Variants in PARD3B observed in about 807,000 individuals in gnomAD.
PARD3B encodes the protein partitioning defective 3 homolog B.
In PARD3B, 103 loss-of-function variants were observed where a neutral mutation model predicts 130.2. That is an observed-to-expected ratio of 0.79 (90% CI 0.67 to 0.93). The LOEUF is 0.93. Among genes scored for constraint, PARD3B ranks in the 40% least tolerant of loss-of-function variants. PARD3B has a pLI of 0.00. For missense variants in PARD3B, 1,609 were observed against 1,499.2 expected, an observed-to-expected ratio of 1.07 and a Z score of -1.21; for synonymous variants, 583 against 553.2, an observed-to-expected ratio of 1.05 and a Z score of -0.76.
In PARD3B at chr2:205,010,153, G is replaced by C. The variant is rs192516363; in HGVS notation, c.395-37428G>C. 5.4e-3 allele frequency among the ~76,000 whole-genome samples: 819 copies of C among 152,298 alleles called. 7 individuals are homozygous for C. The highest frequency in any genetic ancestry group is 0.019 in the African/African-American group (784 of 41,560). On this transcript the variant is annotated intron_variant, in intron 3 of 22. Transcript: ENST00000406610. ...TACTGAGAGAGAGAAGGAGTGGAGA[G>C]AGTCGGGGGAGATCAGTTCCTTCAT...
rs3048088 is a variant in PARD3B, at chr2:205,302,065, C to CTTTTTTTTT, written c.2630+379_2630+387dup. On this transcript the variant is annotated intron_variant, in intron 18 of 22. Transcript: ENST00000406610. Reference sequence around the variant, plus strand: ...CTATTCTTTTTTTCTTTTTTCTTTTCTTTTTTTTTTTTTTTTTTTTTTTGA... The same window carrying CTTTTTTTTT: ...CTATTCTTTTTTTCTTTTTTCTTTTCTTTTTTTTTTTTTTTTTTTTTTTTTTTTTTTTGA... 2.8e-3 allele frequency among the ~76,000 whole-genome samples: 219 copies of CTTTTTTTTT among 77,762 alleles called. 4 individuals carry two copies. Among genetic ancestry groups the CTTTTTTTTT allele is most frequent in the Middle Eastern group, 0.016 (1 of 64 alleles). 51.0% of individuals were successfully genotyped at this position (77,762 alleles called of 152,430 possible). A position where few individuals can be genotyped will look rare whatever the true frequency, so the allele number is the denominator to read the frequency against.
chr2:204,680,650 TA>T (rs1475946869), intron 1 of PARD3B, among the ~76,000 whole-genome samples: 1 of 152,058 alleles, frequency 6.6e-6, no homozygotes, highest in Non-Finnish European at 1.5e-5. Flanking sequence ...TTAAAGACCA[TA>T]ACTGACACAT....
At chr2:205,448,419 C>T (rs949291143) in intron 20 of PARD3B, among the ~76,000 whole-genome samples, 18 of 152,212 alleles carry the variant, frequency 1.2e-4, no homozygotes, top group Admixed American at 7.2e-4. Context: ...GTTTTTTTCA[C>T]TTAAGTTGCT....
chr2:205,388,587 A>ACCG (rs1221838940), intron 18 of PARD3B, among the ~76,000 whole-genome samples: 3 of 152,232 alleles, frequency 2.0e-5, no homozygotes, highest in African/African-American at 4.8e-5. Context: ...CCCTGTTAGA[A>ACCG]ATCAAGTTGT....
chr2:204,630,971 T>C (rs577293770), intron 1 of PARD3B, among the ~76,000 whole-genome samples: 53 of 152,294 alleles, frequency 3.5e-4, no homozygotes, highest in African/African-American at 1.2e-3. Context: ...AGTTTAGCTC[T>C]GATCTTGGTT....
chr2:205,017,589 C>G (rs1165971339), intron 3 of PARD3B, among the ~76,000 whole-genome samples: 2 of 152,168 alleles, frequency 1.3e-5, no homozygotes, highest in Admixed American at 6.6e-5. Flanking sequence ...GGATGGCTCT[C>G]TTTTGTATAA....
At chr2:204,603,252 C>T (rs2033585387) in intron 1 of PARD3B, among the ~76,000 whole-genome samples, 4 of 152,066 alleles carry the variant, frequency 2.6e-5, no homozygotes, top group Admixed American at 1.3e-4. Flanking sequence ...AGTCTGTCAA[C>T]CTCTTTGAGA....
chr2:204,745,779 TA>T (rs1343550016), intron 2 of PARD3B, among the ~76,000 whole-genome samples: 1 of 152,086 alleles, frequency 6.6e-6, no homozygotes, highest in African/African-American at 2.4e-5. Flanking sequence ...CTATTAATAG[TA>T]AATTCTGGAG....
At chr2:204,940,553 T>G (rs1456642078) in intron 2 of PARD3B, among the ~76,000 whole-genome samples, 1 of 151,930 alleles carries the variant, frequency 6.6e-6, no homozygotes, top group Non-Finnish European at 1.5e-5. Flanking sequence ...TACATGAATA[T>G]CATTACAAAA....
chr2:204,728,428 G>A (rs2039337399), intron 2 of PARD3B, among the ~76,000 whole-genome samples: 1 of 152,100 alleles, frequency 6.6e-6, no homozygotes, highest in Admixed American at 6.5e-5. Flanking sequence ...ATGTGTAATG[G>A]GCCAGCTGGG....
chr2:204,636,049 A>G (rs4673307), intron 1 of PARD3B, among the ~76,000 whole-genome samples: 96,498 of 151,804 alleles, frequency 0.64, 33,844 homozygotes, highest in Non-Finnish European at 0.78. Flanking sequence ...TGAGGTGAAT[A>G]CTCTTTGGCT....
chr2:204,615,892 A>G (rs2034094001), intron 1 of PARD3B, among the ~76,000 whole-genome samples: 1 of 152,192 alleles, frequency 6.6e-6, no homozygotes, highest in Non-Finnish European at 1.5e-5. Context: ...AAGACATGTA[A>G]TCAAAAGTTG....
chr2:205,450,570 T>C (rs921364326), intron 20 of PARD3B, among the ~76,000 whole-genome samples: 1 of 144,654 alleles, frequency 6.9e-6, no homozygotes, highest in African/African-American at 2.6e-5. Flanking sequence ...GCCTCCCAGG[T>C]TCAAGTAATT....
chr2:204,668,327 C>T (rs2036120618), intron 1 of PARD3B, among the ~76,000 whole-genome samples: 1 of 152,160 alleles, frequency 6.6e-6, no homozygotes, highest in African/African-American at 2.4e-5. Context: ...GTGTTTGGCT[C>T]ACTTTGAATT....
chr2:205,349,927 G>T (rs1038739505), intron 18 of PARD3B, among the ~76,000 whole-genome samples: 1 of 150,004 alleles, frequency 6.7e-6, no homozygotes, highest in African/African-American at 2.5e-5. Context: ...ATAACCTGTA[G>T]TGTAAACACA....
intron 19 of PARD3B, among the ~76,000 whole-genome samples, chr2:205,404,075 A>G (rs2046339945): frequency 6.6e-6 from 1 of 152,218 alleles, no homozygotes; most frequent in Non-Finnish European, 1.5e-5. Context: ...TTAAAACCAT[A>G]CATAACTCTA....
At chr2:205,135,555 T>G (rs537964551) in intron 10 of PARD3B, among the ~76,000 whole-genome samples, 1 of 142,430 alleles carries the variant, frequency 7.0e-6, no homozygotes, top group East Asian at 2.2e-4. Context: ...CATTAAAGAA[T>G]ATCAGCTTAA....
At chr2:205,029,116 G>T (rs1181167234) in intron 3 of PARD3B, among the ~76,000 whole-genome samples, 1 of 152,118 alleles carries the variant, frequency 6.6e-6, no homozygotes, top group Admixed American at 6.6e-5. Flanking sequence ...GTGCCAGGTT[G>T]CTAGCCCTAT....
At chr2:205,468,771 A>G (rs1015500821) in intron 20 of PARD3B, among the ~76,000 whole-genome samples, 1 of 152,168 alleles carries the variant, frequency 6.6e-6, no homozygotes, top group African/African-American at 2.4e-5. Flanking sequence ...TCCCTCTGGC[A>G]TGCTGCAGTC....
Sources: allele counts gnomAD v4.1 joint callset (sites outside exome capture counted in the v4.1 genomes callset), GRCh38; gene constraint gnomAD v4.1.1; transcripts MANE v1.5; gene names NCBI Gene and HGNC (gene_info 2026-07-23, HGNC 2026-07-21).